LRP1B: variants seen among roughly 807,000 people sequenced by gnomAD.
The protein encoded by LRP1B is low-density lipoprotein receptor-related protein 1B.
Under a neutral mutation model 556.6 loss-of-function variants are expected in LRP1B, and 217 were observed. The observed-to-expected ratio is 0.39, with a 90% CI of 0.35 to 0.44. The LOEUF (loss-of-function observed/expected upper bound fraction) is 0.44. Among genes scored for constraint, LRP1B ranks in the 20% least tolerant of loss-of-function variants. LRP1B has a pLI of 1.00. For synonymous variants in LRP1B, 2,047 were observed against 1,865.8 expected (o/e 1.10, Z -2.50); for missense variants, 5,053 against 5,620.8 (o/e 0.90, Z 3.23).
intron 67 of LRP1B, among the ~76,000 whole-genome samples, chr2:140,378,498 G>A (rs1683334906): frequency 6.6e-6 from 1 of 152,008 alleles, no homozygotes; most frequent in African/African-American, 2.4e-5. Flanking sequence ...GTACAAAATG[G>A]CATTACAAAA....
intron 66 of LRP1B, among the ~76,000 whole-genome samples, chr2:140,393,098 GTTTTC>G (rs1326409106): frequency 6.7e-6 from 1 of 148,210 alleles, no homozygotes; most frequent in Non-Finnish European, 1.5e-5. Flanking sequence ...TGGCTAATTT[GTTTTC>G]TTTTATTTTT....
At chr2:140,369,761 A>C (rs955561551) in intron 71 of LRP1B, among the ~76,000 whole-genome samples, 6 of 151,966 alleles carry the variant, frequency 3.9e-5, no homozygotes, top group Admixed American at 2.6e-4. Flanking sequence ...AATATTAAAG[A>C]AAGTAAAATA....
chr2:141,275,064 A>G (rs1685233449), intron 3 of LRP1B, among the ~76,000 whole-genome samples: 1 of 152,220 alleles, frequency 6.6e-6, no homozygotes. Flanking sequence ...GAGCCTACAC[A>G]TGAGAAAGCA....
intron 7 of LRP1B, among the ~76,000 whole-genome samples, chr2:141,143,713 A>T (rs189961786): frequency 6.6e-6 from 1 of 152,248 alleles, no homozygotes; most frequent in East Asian, 1.9e-4. Context: ...CAAATAAACC[A>T]CTAGAGCAGA....
At chr2:140,930,567 C>T (rs1695019634) in intron 20 of LRP1B, among the ~76,000 whole-genome samples, 1 of 151,838 alleles carries the variant, frequency 6.6e-6, no homozygotes, top group African/African-American at 2.4e-5. Flanking sequence ...TGTTAAAGCC[C>T]CCTTAGAAAA....
At chr2:141,069,444 A>C (rs549835941) in intron 7 of LRP1B, among the ~76,000 whole-genome samples, 1 of 152,182 alleles carries the variant, frequency 6.6e-6, no homozygotes, top group African/African-American at 2.4e-5. Flanking sequence ...GGTGGGAAAA[A>C]TGCTTAATCA....
At chr2:140,738,300 T>C (rs1377940064) in intron 35 of LRP1B, among the ~76,000 whole-genome samples, 2 of 152,036 alleles carry the variant, frequency 1.3e-5, no homozygotes, top group African/African-American at 2.4e-5. Context: ...ACCTCCCTTC[T>C]CTAAATTTCC....
intron 7 of LRP1B, among the ~76,000 whole-genome samples, chr2:141,126,767 T>C (rs1218717233): frequency 6.6e-6 from 1 of 152,192 alleles, no homozygotes; most frequent in African/African-American, 2.4e-5. Context: ...AAGAATCCCA[T>C]TCTATGAACA....
intron 1 of LRP1B, among the ~76,000 whole-genome samples, chr2:142,100,257 C>A (rs966729349): frequency 2.6e-5 from 4 of 151,758 alleles, no homozygotes; most frequent in Non-Finnish European, 4.4e-5. Context: ...TCAGGGGGCC[C>A]AAGGCATCAC....
intron 43 of LRP1B, among the ~76,000 whole-genome samples, chr2:140,573,972 C>A (rs561940352): frequency 6.6e-6 from 1 of 151,964 alleles, no homozygotes; most frequent in East Asian, 1.9e-4. Flanking sequence ...TAAATAAGAT[C>A]TTTTACAATA....
intron 20 of LRP1B, among the ~76,000 whole-genome samples, chr2:140,939,164 A>T (rs1325607897): frequency 6.6e-6 from 1 of 152,120 alleles, no homozygotes; most frequent in African/African-American, 2.4e-5. Flanking sequence ...TCTGTCCAAG[A>T]AATACTCTTT....
At chr2:140,858,280 G>T (rs1692678272) in intron 27 of LRP1B, among the ~76,000 whole-genome samples, 1 of 151,834 alleles carries the variant, frequency 6.6e-6, no homozygotes, top group Middle Eastern at 3.2e-3. Flanking sequence ...TAGAACTAGG[G>T]ATTCTGCATT....
chr2:140,780,839 A>G (rs551572806), intron 32 of LRP1B, among the ~76,000 whole-genome samples: 36 of 152,288 alleles, frequency 2.4e-4, no homozygotes, highest in Admixed American at 2.2e-3. Flanking sequence ...TTAGAAAAAA[A>G]TCTTTCTTCC....
chr2:140,438,157 C>T (rs1027859693), intron 66 of LRP1B, among the ~76,000 whole-genome samples: 2 of 152,104 alleles, frequency 1.3e-5, no homozygotes, highest in Admixed American at 6.6e-5. Context: ...GCTGACACTG[C>T]AGGTGCTAAT....
At chr2:141,433,486 ACTAAGTT>A (rs1443226194) in intron 3 of LRP1B, among the ~76,000 whole-genome samples, 1 of 152,040 alleles carries the variant, frequency 6.6e-6, no homozygotes, top group African/African-American at 2.4e-5. Context: ...GAATTGTTGT[ACTAAGTT>A]CTCTAACTTT....
intron 63 of LRP1B, among the ~76,000 whole-genome samples, chr2:140,449,141 T>C (rs1406973049): frequency 6.6e-6 from 1 of 152,124 alleles, no homozygotes; most frequent in African/African-American, 2.4e-5. Flanking sequence ...CAGGTCATTA[T>C]AGTGAAATTT....
intron 42 of LRP1B, among the ~76,000 whole-genome samples, chr2:140,601,065 A>G (rs955720623): frequency 2.2e-5 from 3 of 135,448 alleles, no homozygotes; most frequent in African/African-American, 8.1e-5. Flanking sequence ...TCCAGATGCT[A>G]TAATTACTTG....
chr2:140,301,316 A>C (rs1324457689), intron 83 of LRP1B, among the ~76,000 whole-genome samples: 1 of 138,214 alleles, frequency 7.2e-6, no homozygotes, highest in East Asian at 2.7e-4. Context: ...TTCAAAAGAC[A>C]ATCATACTCT....
rs1390169656 is a variant in LRP1B at position 141,572,100 on chromosome 2, G to A, written c.206-91567C>T. On this transcript the variant is annotated intron_variant, in intron 2 of 90. Transcript: ENST00000389484. ...AGAGAACACCATTAAGATACTCCAC[G>A]AGAAGATCAACCCCAAGAAACATAA... Among the ~76,000 whole-genome samples the A allele has an allele frequency of 5.3e-5, 8 of 152,048 alleles. No individual in the cohort carries two copies. The East Asian group carries it at 9.7e-4, about 18-fold the overall frequency.
Sources: allele counts gnomAD v4.1 joint callset (sites outside exome capture counted in the v4.1 genomes callset), GRCh38; gene constraint gnomAD v4.1.1; transcripts MANE v1.5; gene names NCBI Gene and HGNC (gene_info 2026-07-23, HGNC 2026-07-21).